Variants in CFHR1 observed in about 807,000 individuals in gnomAD.
CFHR1 encodes complement factor H related 1, also known as complement factor H-related protein 1.
A neutral mutation model predicts 30.4 loss-of-function variants in CFHR1; 22 were observed. The ratio of observed to expected loss-of-function variants is 0.72; its 90% CI spans 0.52 to 1.03. The LOEUF (loss-of-function observed/expected upper bound fraction) is 1.03, where lower values mean the gene tolerates loss of function less well. Among genes scored for constraint, CFHR1 ranks in the 50% least tolerant of loss-of-function variants. CFHR1 has a pLI of 0.00. For missense variants in CFHR1, 248 were observed against 380.6 expected (o/e 0.65, Z 2.90); for synonymous variants, 95 against 129.1 (o/e 0.74, Z 1.79).
In CFHR1 at chr1:196,827,011, T is replaced by C; in HGVS notation, c.430+6T>C. On this transcript the variant is annotated splice_donor_region_variant and intron_variant, in intron 3 of 5. Transcript: ENST00000320493. Reference sequence around the variant, plus strand: ...TCCCAAATGCAGGTCCACTGGTAAGTACAATGCTGTTCTCTCATATGCTGT... The same window carrying C: ...TCCCAAATGCAGGTCCACTGGTAAGCACAATGCTGTTCTCTCATATGCTGT... 6.6e-7 allele frequency: 1 copy of C among 1,520,796 alleles called. No individual in the cohort carries two copies. Among genetic ancestry groups the C allele is most frequent in the Non-Finnish European group, 8.9e-7 (1 of 1,125,370 alleles). The allele number at this position is 1,520,796 out of a possible 1,614,324, so 94.2% of individuals were successfully genotyped here. A position where few individuals can be genotyped will look rare whatever the true frequency, so the allele number is the denominator to read the frequency against.
Position 196,826,180 on chromosome 1 carries a change from T to C in CFHR1, c.253+509T>C, listed in dbSNP as rs1445296059. ...ACAGGTGTATTAAAAGAAAAAAAAA[T>C]TGGGAGACAGATACATGAGGCAACA... On this transcript the variant is annotated intron_variant, in intron 2 of 5. Transcript: ENST00000320493. 1.5e-5 allele frequency among the ~76,000 whole-genome samples: 2 copies of C among 133,798 alleles called. 1 individual carries two copies. Among genetic ancestry groups the C allele is most frequent in the African/African-American group, 6.4e-5 (2 of 31,212 alleles). 87.8% of individuals were successfully genotyped at this position (133,798 alleles called of 152,430 possible).
In CFHR1 at chr1:196,823,060, A is replaced by G. The variant is rs1287466943; in HGVS notation, c.59-2417A>G. 1.5e-5 allele frequency among the ~76,000 whole-genome samples: 2 copies of G among 131,862 alleles called. 1 individual carries two copies. Among genetic ancestry groups the G allele is most frequent in the African/African-American group, 6.6e-5 (2 of 30,446 alleles). The allele number at this position is 131,862 out of a possible 152,430, so 86.5% of individuals were successfully genotyped here. On this transcript the variant is annotated intron_variant, in intron 1 of 5. Coordinates refer to ENST00000320493, the MANE Select transcript of CFHR1 (RefSeq NM_002113.3). ...ATCAGTCATTGACCAAAATGTCATT[A>G]TGTGGTGAATAACTGTACGACTGTA...
At chr1:196,830,329 T>C (rs1306010713) in intron 4 of CFHR1, among the ~76,000 whole-genome samples, 171 bp from the exon 5 acceptor site, 3 of 135,656 alleles carry the variant, frequency 2.2e-5, no homozygotes, top group Admixed American at 7.1e-5. Context: ...AGAACTTAAA[T>C]ATATTACTTT....
At chr1:196,825,722 G>C in intron 2 of CFHR1, 51 bp downstream of exon 2, 1 of 1,434,942 alleles carries the variant, frequency 7.0e-7, no homozygotes, top group Non-Finnish European at 9.5e-7. Flanking sequence ...GAATAGAGAA[G>C]GATATGCCAG....
rs201237536 is a variant in CFHR1, at chr1:196,830,520, C to A, written c.628C>A (p.Pro210Thr). 6 of 1,524,940 alleles carry A rather than the reference C, an allele frequency of 3.9e-6. 1 individual carries two copies. Among genetic ancestry groups the A allele is most frequent in the East Asian group, 2.2e-5 (1 of 44,608 alleles). The allele number at this position is 1,524,940 out of a possible 1,614,324, so 94.5% of individuals were successfully genotyped here. Residue 210 changes from proline to threonine, a missense_variant, in exon 5 of 6, where the codon CCC becomes ACC. This residue lies in a region of CFHR1 where 112 missense variants were observed against 156.4 expected (regional missense o/e 0.72). Coordinates refer to ENST00000320493, the MANE Select transcript of CFHR1 (RefSeq NM_002113.3). Reference protein sequence around the residue: ...QCKDSTGKCGPPPPIDNGDIT... With the variant: ...QCKDSTGKCGTPPPIDNGDIT... Reference sequence around the variant, plus strand: ...TTTAGATTCTACGGGAAAATGTGGGCCCCCTCCACCTATTGACAATGGGGA... The same window carrying A: ...TTTAGATTCTACGGGAAAATGTGGGACCCCTCCACCTATTGACAATGGGGA...
In CFHR1 at chr1:196,825,108, A is replaced by C. The variant is rs1289127991; in HGVS notation, c.59-369A>C. ...AGAGAAAATAAGTAAATTGAGAGCT[A>C]AGAACAACCCTATCACTTTTCTACT... On this transcript the variant is annotated intron_variant, in intron 1 of 5. Transcript: ENST00000320493. The C allele has an allele frequency of 3.3e-5, 5 of 150,718 alleles. No individual in the cohort carries two copies. The South Asian group carries it at 5.2e-4, about 16-fold the overall frequency. The allele number at this position is 150,718 out of a possible 1,614,324, so 9.3% of individuals were successfully genotyped here.
intron 5 of CFHR1, 21 bp from the exon 6 acceptor site, chr1:196,831,776 T>C: frequency 6.6e-7 from 1 of 1,510,540 alleles, no homozygotes; most frequent in Non-Finnish European, 9.0e-7. Flanking sequence ...ATGTTTTATG[T>C]TTACTGTTTT....
intron 1 of CFHR1, 90 bp from the exon 2 acceptor site, chr1:196,825,387 A>G: frequency 9.8e-7 from 1 of 1,020,290 alleles, no homozygotes; most frequent in Non-Finnish European, 1.4e-6. Flanking sequence ...ATGAAAGAAA[A>G]ACACTATAAG....
intron 4 of CFHR1, 107 bp from the exon 5 acceptor site, chr1:196,830,393 C>G: frequency 8.0e-7 from 1 of 1,244,536 alleles, no homozygotes; most frequent in South Asian, 1.4e-5. Context: ...CCAGAAATCA[C>G]AAAACTGTTG....
At position 196,825,910 on chromosome 1, in the gene CFHR1, A is replaced by G. The variant is rs546777543; in HGVS notation, c.253+239A>G. 9.3e-5 allele frequency: 34 copies of G among 366,748 alleles called. No homozygotes were observed. In the East Asian group the frequency reaches 1.3e-3, roughly 14 times the overall value. The allele number at this position is 366,748 out of a possible 1,614,324, so 22.7% of individuals were successfully genotyped here. A position where few individuals can be genotyped will look rare whatever the true frequency, so the allele number is the denominator to read the frequency against. ...TGTTGAAATATATTAATTTTTTTAA[A>G]CTGATCTTTAATATATTTGACTGCT... On this transcript the variant is annotated intron_variant, in intron 2 of 5. Coordinates refer to ENST00000320493, the MANE Select transcript of CFHR1 (RefSeq NM_002113.3).
chr1:196,828,042 T>C lies in CFHR1; in HGVS notation c.431-28T>C, dbSNP rs1655397122. 6.7e-6 allele frequency: 10 copies of C among 1,494,144 alleles called. 2 individuals carry two copies. Among genetic ancestry groups the C allele is most frequent in the Non-Finnish European group, 9.0e-6 (10 of 1,111,902 alleles). 92.6% of individuals were successfully genotyped at this position (1,494,144 alleles called of 1,614,324 possible). On this transcript the variant is annotated intron_variant, in intron 3 of 5. Transcript: ENST00000320493. ...TTTGCTACTCAAAATGAACACTAGG[T>C]GGAACCACTTCTTTTTTTTCTACTC...
At chr1:196,823,684 T>C (rs1655210235) in intron 1 of CFHR1, among the ~76,000 whole-genome samples, 1 of 136,032 alleles carries the variant, frequency 7.4e-6, no homozygotes, top group Admixed American at 7.1e-5. Flanking sequence ...TTATTTCTTA[T>C]GCAGCAGTAC....
At position 196,824,294 on chromosome 1, in the gene CFHR1, C is replaced by T. The variant is rs1573147205; in HGVS notation, c.59-1183C>T. 1.5e-5 allele frequency among the ~76,000 whole-genome samples: 2 copies of T among 132,708 alleles called. 1 individual carries two copies. The highest frequency in any genetic ancestry group is 3.1e-5 in the Non-Finnish European group (2 of 63,768). 87.1% of individuals were successfully genotyped at this position (132,708 alleles called of 152,430 possible). A position where few individuals can be genotyped will look rare whatever the true frequency, so the allele number is the denominator to read the frequency against. On this transcript the variant is annotated intron_variant, in intron 1 of 5. Transcript: ENST00000320493. The stretch of plus-strand genomic sequence containing the variant: ...TTTTTGAGGTGGAGTCTTGCTCTGT[C>T]GCCCCCAGGCTCGAGTTTAGTGGCA...
Position 196,825,844 on chromosome 1 carries a change from A to G in CFHR1, c.253+173A>G, listed in dbSNP as rs1655302537. On this transcript the variant is annotated intron_variant, in intron 2 of 5. Transcript: ENST00000320493. ...CCTCCTATAAGAATCAATGAAGAATAAATATGTCAACTGTCTTGTGTTACC... is the reference window on the plus strand; with the variant it reads ...CCTCCTATAAGAATCAATGAAGAATGAATATGTCAACTGTCTTGTGTTACC... The G allele has an allele frequency of 5.0e-6, 3 of 604,860 alleles. 1 individual carries two copies. The highest frequency in any genetic ancestry group is 8.4e-6 in the Non-Finnish European group (3 of 358,780). 37.5% of individuals were successfully genotyped at this position (604,860 alleles called of 1,614,324 possible). A position where few individuals can be genotyped will look rare whatever the true frequency, so the allele number is the denominator to read the frequency against.
chr1:196,823,477 C>T lies in CFHR1; in HGVS notation c.59-2000C>T, dbSNP rs1301209276. 1.5e-5 allele frequency among the ~76,000 whole-genome samples: 2 copies of T among 134,288 alleles called. 1 individual carries two copies. The highest frequency in any genetic ancestry group is 6.4e-5 in the African/African-American group (2 of 31,244). 88.1% of individuals were successfully genotyped at this position (134,288 alleles called of 152,430 possible). A position where few individuals can be genotyped will look rare whatever the true frequency, so the allele number is the denominator to read the frequency against. ...AATACTATCAAGACGGGAGTCTTTC[C>T]CTCAACACCTTTACCAAAACTATCT... On this transcript the variant is annotated intron_variant, in intron 1 of 5. Coordinates refer to ENST00000320493, the MANE Select transcript of CFHR1 (RefSeq NM_002113.3).
intron 5 of CFHR1, among the ~76,000 whole-genome samples, chr1:196,831,489 A>T (rs540982451): frequency 7.4e-6 from 1 of 135,874 alleles, no homozygotes; most frequent in South Asian, 2.5e-4. Context: ...CTCTTTGACC[A>T]ATATCTTAAT....
In CFHR1 at chr1:196,828,427, T is replaced by C. The variant is rs370909178; in HGVS notation, c.607+181T>C. Among the ~76,000 whole-genome samples the C allele has an allele frequency of 5.2e-5, 7 of 134,442 alleles. No homozygotes were observed. The East Asian group carries it at 9.8e-4, about 19-fold the overall frequency. 88.2% of individuals were successfully genotyped at this position (134,442 alleles called of 152,430 possible). On this transcript the variant is annotated intron_variant, in intron 4 of 5. Transcript: ENST00000320493. Reference sequence around the variant, plus strand: ...CACAAGTAATAGGGTGTATTATTTTTGAGAAAGATTCGACCAAATTAAAAG... The same window carrying C: ...CACAAGTAATAGGGTGTATTATTTTCGAGAAAGATTCGACCAAATTAAAAG...
At chr1:196,825,278 C>A in intron 1 of CFHR1, 199 bp from the exon 2 acceptor site, 1 of 423,270 alleles carries the variant, frequency 2.4e-6, no homozygotes, top group Non-Finnish European at 4.1e-6. Context: ...TATTCATTAA[C>A]AATTACCTCC....
At chr1:196,824,506 C>A (rs1326177268) in intron 1 of CFHR1, among the ~76,000 whole-genome samples, 1 of 131,268 alleles carries the variant, frequency 7.6e-6, no homozygotes, top group Non-Finnish European at 1.6e-5. Flanking sequence ...GACCCACTCA[C>A]CTCAGCCTCC....
Sources: gnomAD v4.1 joint callset for allele counts (sites outside exome capture counted in the v4.1 genomes callset) on GRCh38, gnomAD v4.1.1 for gene constraint, gnomAD v4.1.1 regional missense constraint, MANE v1.5 for transcripts, NCBI Gene and HGNC (gene_info 2026-07-23, HGNC 2026-07-21) for gene names.